MGAT5: variants seen among roughly 807,000 people sequenced by gnomAD.
MGAT5 encodes alpha-1,6-mannosylglycoprotein 6-beta-N-acetylglucosaminyltransferase A.
MGAT5 carries 30 observed loss-of-function variants against 94.3 expected under a neutral mutation model. The observed-to-expected ratio is 0.32, with a 90% CI of 0.24 to 0.43. The LOEUF (loss-of-function observed/expected upper bound fraction) is 0.43, where lower values mean the gene tolerates loss of function less well. Ranked by LOEUF, MGAT5 falls within the 20% of genes least tolerant of loss-of-function variation. MGAT5 has a pLI of 1.00. For missense variants in MGAT5, 691 were observed against 905.5 expected, an observed-to-expected ratio of 0.76 and a Z score of 3.04; for synonymous variants, 310 against 322.9, an observed-to-expected ratio of 0.96 and a Z score of 0.43.
At chr2:134,195,655 C>T (rs1379291496) in intron 1 of MGAT5, among the ~76,000 whole-genome samples, 6 of 152,258 alleles carry the variant, frequency 3.9e-5, no homozygotes, top group Admixed American at 2.0e-4. Flanking sequence ...ATTCCTAGTA[C>T]CTACTGCATT....
chr2:134,394,636 T>G (rs1019522534), intron 10 of MGAT5, among the ~76,000 whole-genome samples: 1 of 152,244 alleles, frequency 6.6e-6, no homozygotes, highest in Admixed American at 6.5e-5. Context: ...ATTTATTCTT[T>G]ACTGATGTGA....
At chr2:134,434,052 C>T (rs1685032993) in intron 14 of MGAT5, among the ~76,000 whole-genome samples, 1 of 152,136 alleles carries the variant, frequency 6.6e-6, no homozygotes, top group African/African-American at 2.4e-5. Context: ...CCACTTAGCC[C>T]TCTCTGACTG....
intron 6 of MGAT5, among the ~76,000 whole-genome samples, chr2:134,340,091 A>G (rs570970032): frequency 6.6e-6 from 1 of 152,228 alleles, no homozygotes; most frequent in East Asian, 1.9e-4. Context: ...AAACACTATG[A>G]CCTTGAGTTT....
chr2:134,303,637 T>G (rs1316218781), intron 2 of MGAT5, among the ~76,000 whole-genome samples: 1 of 152,168 alleles, frequency 6.6e-6, no homozygotes, highest in South Asian at 2.1e-4. Flanking sequence ...TGCCCTGCAG[T>G]GAGCAGCAGC....
chr2:134,130,456 G>A (rs952334447), intron 1 of MGAT5, among the ~76,000 whole-genome samples: 44 of 152,388 alleles, frequency 2.9e-4, no homozygotes, highest in African/African-American at 9.4e-4. Flanking sequence ...TCCACTAGGC[G>A]AAGCTAGCTG....
intron 1 of MGAT5, among the ~76,000 whole-genome samples, chr2:134,238,813 C>A (rs944194348): frequency 2.6e-5 from 4 of 152,014 alleles, no homozygotes; most frequent in African/African-American, 9.7e-5. Context: ...CATGGTGGTG[C>A]ATGCCTGTAA....
At chr2:134,366,759 A>G (rs1306698704) in intron 10 of MGAT5, among the ~76,000 whole-genome samples, 1 of 152,238 alleles carries the variant, frequency 6.6e-6, no homozygotes, top group Non-Finnish European at 1.5e-5. Context: ...TTGGAAGAGC[A>G]TGCTTTGAGC....
At chr2:134,338,487 A>G in intron 6 of MGAT5, 67 bp downstream of exon 6, 1 of 1,473,694 alleles carries the variant, frequency 6.8e-7, no homozygotes, top group Non-Finnish European at 9.2e-7. Flanking sequence ...TTTGCTTGGA[A>G]ACAAGACTAA....
chr2:134,371,694 C>T (rs971581956), intron 10 of MGAT5, among the ~76,000 whole-genome samples: 1 of 152,178 alleles, frequency 6.6e-6, no homozygotes, highest in African/African-American at 2.4e-5. Flanking sequence ...ATGGAATAGT[C>T]TGTGGACTTC....
At chr2:134,414,967 T>C (rs1175973658) in intron 12 of MGAT5, among the ~76,000 whole-genome samples, 1 of 152,216 alleles carries the variant, frequency 6.6e-6, no homozygotes, top group East Asian at 1.9e-4. Flanking sequence ...TTTCCTTCTT[T>C]TGCAGGCTAA....
At chr2:134,334,293 T>G (rs1688196879) in intron 4 of MGAT5, among the ~76,000 whole-genome samples, 1 of 152,094 alleles carries the variant, frequency 6.6e-6, no homozygotes, top group South Asian at 2.1e-4. Flanking sequence ...GAAAGATTCT[T>G]CTTGCAGTGG....
At chr2:134,265,919 G>A (rs1318475288) in intron 1 of MGAT5, among the ~76,000 whole-genome samples, 1 of 151,896 alleles carries the variant, frequency 6.6e-6, no homozygotes, top group Non-Finnish European at 1.5e-5. Flanking sequence ...CCTGTAATCC[G>A]AGCATTTTGG....
chr2:134,410,281 G>A (rs544143543), intron 11 of MGAT5, among the ~76,000 whole-genome samples: 1 of 152,344 alleles, frequency 6.6e-6, no homozygotes, highest in South Asian at 2.1e-4. Flanking sequence ...TCAAACCTCA[G>A]ATGTGCTATT....
At chr2:134,256,714 A>AAACT (rs1682984363) in intron 1 of MGAT5, among the ~76,000 whole-genome samples, 1 of 152,262 alleles carries the variant, frequency 6.6e-6, no homozygotes, top group East Asian at 1.9e-4. Flanking sequence ...CATCTCAAAG[A>AAACT]AACTATAGAA....
At chr2:134,214,362 G>A (rs771477254) in intron 1 of MGAT5, among the ~76,000 whole-genome samples, 7 of 152,170 alleles carry the variant, frequency 4.6e-5, no homozygotes, top group Middle Eastern at 3.2e-3. Context: ...AAAATAAAAT[G>A]CAGGAGTGTT....
intron 1 of MGAT5, among the ~76,000 whole-genome samples, chr2:134,190,939 G>T (rs1407645979): frequency 6.6e-6 from 1 of 151,816 alleles, no homozygotes; most frequent in African/African-American, 2.4e-5. Context: ...GTGAGCCAGT[G>T]CACCCAGTCA....
chr2:134,252,862 C>T (rs1246290477), upstream of MGAT5, among the ~76,000 whole-genome samples: 1 of 151,998 alleles, frequency 6.6e-6, no homozygotes, highest in Non-Finnish European at 1.5e-5. Flanking sequence ...TTTAATAACC[C>T]CTGGGCCATG....
chr2:134,367,711 G>A (rs1680524317), intron 10 of MGAT5, among the ~76,000 whole-genome samples: 1 of 152,198 alleles, frequency 6.6e-6, no homozygotes, highest in South Asian at 2.1e-4. Flanking sequence ...GATTGAGGCT[G>A]GTGGATGGCC....
At chr2:134,437,718 G>A (rs540691397) in intron 14 of MGAT5, among the ~76,000 whole-genome samples, 11 of 152,288 alleles carry the variant, frequency 7.2e-5, no homozygotes, top group African/African-American at 2.6e-4. Flanking sequence ...TGCTCCTAAA[G>A]AATTACAGGT....
Sources: allele counts gnomAD v4.1 joint callset (sites outside exome capture counted in the v4.1 genomes callset), GRCh38; gene constraint gnomAD v4.1.1; transcripts MANE v1.5; gene names NCBI Gene and HGNC (gene_info 2026-07-23, HGNC 2026-07-21).